Variants in GRHL1 observed in about 807,000 individuals in gnomAD.
GRHL1 encodes the protein grainyhead like transcription factor 1.
Under a neutral mutation model 75.7 loss-of-function variants are expected in GRHL1, and 38 were observed. The observed-to-expected ratio is 0.50, with a 90% confidence interval of 0.39 to 0.66. The LOEUF is 0.66. GRHL1 is among the 30% of genes least tolerant of loss of function. The pLI is 0.00. For synonymous variants in GRHL1, 266 were observed against 279.4 expected (o/e 0.95, Z 0.48); for missense variants, 589 against 767.5 (o/e 0.77, Z 2.75).
rs1367082336 is a variant in GRHL1, at chr2:9,990,206, TG to T, written c.1270-488del. 2.6e-5 allele frequency among the ~76,000 whole-genome samples: 4 copies of T among 151,962 alleles called. No homozygotes were observed. Among genetic ancestry groups the T allele is most frequent in the Admixed American group, 2.6e-4 (4 of 15,256 alleles). ...CTTTGTCACCCAGGCTGGAGTGCAG[TG>T]GTGTGATCTCAGCTCACTGCAACCT... On this transcript the variant is annotated intron_variant, in intron 9 of 15. Transcript: ENST00000324907. This position sits in a 1 kb window ranked among gnomAD's most constrained non-coding sequence, Gnocchi z 4.2.
chr2:9,957,663 C>A (rs969024961), intron 2 of GRHL1, among the ~76,000 whole-genome samples: 10 of 152,184 alleles, frequency 6.6e-5, no homozygotes, highest in Admixed American at 6.5e-4. Flanking sequence ...CCCGCCTCGG[C>A]CTCCCAAAGT....
At chr2:9,982,337 G>A (rs1265631192) in intron 8 of GRHL1, among the ~76,000 whole-genome samples, 1 of 135,872 alleles carries the variant, frequency 7.4e-6, no homozygotes, top group East Asian at 2.1e-4. Context: ...GACTAATCAC[G>A]TTACCGCAGT....
intron 8 of GRHL1, among the ~76,000 whole-genome samples, chr2:9,972,184 T>G (rs1183677949): frequency 6.6e-6 from 1 of 151,602 alleles, no homozygotes; most frequent in African/African-American, 2.4e-5. Context: ...TCACTTGAAT[T>G]CCTTTTTCTT....
At chr2:9,986,814 C>G (rs35646916) in intron 9 of GRHL1, among the ~76,000 whole-genome samples, 18,528 of 152,132 alleles carry the variant, frequency 0.12, 1,714 homozygotes, top group Admixed American at 0.26. Flanking sequence ...TCAAGCGATC[C>G]CCCAAACTCA....
rs147854664 is a variant in GRHL1 at position 9,987,256 on chromosome 2, A to G, written c.1269+974A>G. 4.5e-4 allele frequency among the ~76,000 whole-genome samples: 69 copies of G among 152,354 alleles called. No individual in the cohort carries two copies. Among genetic ancestry groups the G allele is most frequent in the African/African-American group, 1.6e-3 (65 of 41,580 alleles). On this transcript the variant is annotated intron_variant, in intron 9 of 15. Coordinates refer to ENST00000324907, the MANE Select transcript of GRHL1 (RefSeq NM_198182.3). The surrounding 1 kb of genome is among the most constrained non-coding windows in gnomAD (Gnocchi z 4.2). ...CCAAAGTGCTGGGATTACAGGTGTG[A>G]GCCACCATGCCTGGCCTAAAATAGC...
intron 8 of GRHL1, among the ~76,000 whole-genome samples, chr2:9,985,632 T>C (rs1245703297): frequency 6.6e-6 from 1 of 152,242 alleles, no homozygotes; most frequent in African/African-American, 2.4e-5. Context: ...TGGAATCTTA[T>C]AAAAATTGTG....
At chr2:9,997,239 T>C (rs1438310127) in intron 14 of GRHL1, among the ~76,000 whole-genome samples, 1 of 152,140 alleles carries the variant, frequency 6.6e-6, no homozygotes, top group Non-Finnish European at 1.5e-5. Flanking sequence ...TGGAGTTTAT[T>C]TTGTAGTTAG....
chr2:10,000,428 A>C (rs1373670543), intron 15 of GRHL1, among the ~76,000 whole-genome samples, 165 bp from the exon 16 acceptor site: 1 of 152,178 alleles, frequency 6.6e-6, no homozygotes, highest in Admixed American at 6.5e-5. Flanking sequence ...GATGGGTACT[A>C]TTATTATCCC....
At chr2:9,985,241 C>T (rs940638358) in intron 8 of GRHL1, among the ~76,000 whole-genome samples, 20 of 152,150 alleles carry the variant, frequency 1.3e-4, no homozygotes, top group African/African-American at 4.6e-4. Flanking sequence ...CTTCGTTTCT[C>T]TCATGGAAAT....
chr2:9,975,021 G>A (rs1393658854), intron 8 of GRHL1, among the ~76,000 whole-genome samples: 3 of 152,206 alleles, frequency 2.0e-5, no homozygotes, highest in African/African-American at 4.8e-5. Context: ...TGATTGGGTC[G>A]TATTTCTTTT....
chr2:9,968,113 G>A lies in GRHL1; in HGVS notation c.1110+2732G>A, dbSNP rs6737983. Among the ~76,000 whole-genome samples the A allele has an allele frequency of 3.0e-3, 451 of 152,230 alleles. 5 individuals carry two copies. Among genetic ancestry groups the A allele is most frequent in the African/African-American group, 0.01 (436 of 41,532 alleles). ...TCTTACCTGTAGCTTCTGCTTCTCC[G>A]TTTGGAAATGATGATAGTTTGAGGA... On this transcript the variant is annotated intron_variant, in intron 8 of 15. Transcript: ENST00000324907. The surrounding 1 kb of genome is among the most constrained non-coding windows in gnomAD (Gnocchi z 4.7).
Position 9,965,669 on chromosome 2 carries a change from TCATTTGCA to T in GRHL1, c.1110+291_1110+298del, listed in dbSNP as rs1169769552. The T allele has an allele frequency of 1.3e-5, 5 of 397,662 alleles. No homozygotes were observed. In the Admixed American group the frequency reaches 2.0e-4, roughly 16 times the overall value. 24.6% of individuals were successfully genotyped at this position (397,662 alleles called of 1,614,324 possible). ...TCCTCATTTGCTTTGCCTCATTTCC[TCATTTGCA>T]CAGTGGAGGTGATATCTGTCTCCTC... On this transcript the variant is annotated intron_variant, in intron 8 of 15. Coordinates refer to ENST00000324907, the MANE Select transcript of GRHL1 (RefSeq NM_198182.3).
chr2:9,995,902 A>G lies in GRHL1; in HGVS notation c.1523A>G (p.Tyr508Cys), dbSNP rs1668841727. Residue 508 changes from tyrosine (Y) to cysteine (C), a missense_variant, in exon 13 of 16, where the codon TAC becomes TGC. Tyr to Cys is a radical substitution (Grantham distance 194). Coordinates refer to ENST00000324907, the MANE Select transcript of GRHL1 (RefSeq NM_198182.3). The stretch of plus-strand genomic sequence containing the variant: ...AGCTCTGTCTTGAAAAGGGGGCCGT[A>G]CGGCACAGAAGATGACTTTGCTGTC... ...GEGSVLKRGP[Y>C]GTEDDFAVPP... The G allele has an allele frequency of 4.3e-6, 7 of 1,612,328 alleles. No homozygotes were observed. Among genetic ancestry groups the G allele is most frequent in the Non-Finnish European group, 5.9e-6 (7 of 1,178,274 alleles).
At chr2:9,995,451 TGTG>T (rs566278470) in intron 12 of GRHL1, 212 of 154,510 alleles carry the variant, frequency 1.4e-3, no homozygotes, top group Admixed American at 0.011. Context: ...ATTAGTTGGG[TGTG>T]GTGGTGTGCG....
chr2:9,954,724 C>A (rs1666936896), intron 1 of GRHL1, 191 bp from the exon 2 acceptor site: 1 of 635,600 alleles, frequency 1.6e-6, no homozygotes, highest in African/African-American at 1.8e-5. Flanking sequence ...TGCCTAGATA[C>A]TTTATGTCTT....
At chr2:9,957,670 A>G (rs1558289616) in intron 2 of GRHL1, among the ~76,000 whole-genome samples, 1 of 152,108 alleles carries the variant, frequency 6.6e-6, no homozygotes, top group South Asian at 2.1e-4. Context: ...CGGCCTCCCA[A>G]AGTGCTGGGA....
chr2:9,977,870 C>A (rs563319187), intron 8 of GRHL1, among the ~76,000 whole-genome samples: 87 of 152,236 alleles, frequency 5.7e-4, no homozygotes, highest in Admixed American at 3.5e-3. Context: ...AAGACATACC[C>A]GAGACTGGGT....
At chr2:9,958,717 G>A (rs867457481) in intron 2 of GRHL1, 69 bp from the exon 3 acceptor site, 1 of 1,152,564 alleles carries the variant, frequency 8.7e-7, no homozygotes, top group Middle Eastern at 1.9e-4. Flanking sequence ...AAAATAAAAG[G>A]CTGTATCTTT....
chr2:9,960,957 G>C (rs1667242718), intron 3 of GRHL1, 89 bp from the exon 4 acceptor site: 2 of 949,808 alleles, frequency 2.1e-6, no homozygotes, highest in African/African-American at 1.7e-5. Flanking sequence ...TATTGCACAG[G>C]ACCCAACAGC....
Sources: allele counts gnomAD v4.1 joint callset (sites outside exome capture counted in the v4.1 genomes callset), GRCh38; gene constraint gnomAD v4.1.1; non-coding constraint Gnocchi (gnomAD v3.1); transcripts MANE v1.5; gene names NCBI Gene and HGNC (gene_info 2026-07-23, HGNC 2026-07-21).